BANK1: variants seen among roughly 807,000 people sequenced by gnomAD.
BANK1 encodes the protein B-cell scaffold protein with ankyrin repeats.
BANK1 carries 95 observed loss-of-function variants against 94.5 expected under a neutral mutation model. The observed-to-expected ratio is 1.00, with a 90% confidence interval of 0.85 to 1.19. The LOEUF (loss-of-function observed/expected upper bound fraction) is 1.19. Ranked by LOEUF, BANK1 falls within the 50% of genes most tolerant of loss-of-function variation. BANK1 has a pLI of 0.00. For synonymous variants in BANK1, 334 were observed against 308.4 expected (o/e 1.08, Z -0.87); for missense variants, 987 against 932.2 (o/e 1.06, Z -0.77).
intron 7 of BANK1, among the ~76,000 whole-genome samples, chr4:101,933,013 C>T (rs749905627): frequency 7.3e-5 from 11 of 151,408 alleles, no homozygotes; most frequent in Non-Finnish European, 1.2e-4. Flanking sequence ...ACCATATTAT[C>T]ACCCGGAAAA....
At chr4:101,998,031 C>T (rs1388391347) in intron 7 of BANK1, among the ~76,000 whole-genome samples, 1 of 152,142 alleles carries the variant, frequency 6.6e-6, no homozygotes, top group Admixed American at 6.6e-5. Context: ...TTAGATCTTT[C>T]CCACTTTCTC....
At chr4:101,939,625 T>C (rs1281947420) in intron 7 of BANK1, among the ~76,000 whole-genome samples, 2 of 151,626 alleles carry the variant, frequency 1.3e-5, no homozygotes, top group Non-Finnish European at 2.9e-5. Context: ...TCACTTTCTC[T>C]CACAAATCAT....
At chr4:101,852,294 A>G (rs1325595963) in intron 2 of BANK1, among the ~76,000 whole-genome samples, 1 of 151,494 alleles carries the variant, frequency 6.6e-6, no homozygotes. Context: ...CTCTACTTGA[A>G]TTAAATATAC....
chr4:101,897,989 A>C (rs1375146736), intron 6 of BANK1, among the ~76,000 whole-genome samples: 2 of 151,926 alleles, frequency 1.3e-5, no homozygotes, highest in Non-Finnish European at 2.9e-5. Flanking sequence ...ATTAAAAAAA[A>C]ACTTAAAGCT....
At chr4:101,991,443 T>G (rs919382102) in intron 7 of BANK1, among the ~76,000 whole-genome samples, 6 of 152,222 alleles carry the variant, frequency 3.9e-5, no homozygotes, top group Non-Finnish European at 8.8e-5. Context: ...TTGTTTTTGT[T>G]TTGTTTGTTT....
At chr4:102,021,126 A>C (rs2148946567) in intron 7 of BANK1, among the ~76,000 whole-genome samples, 1 of 148,588 alleles carries the variant, frequency 6.7e-6, no homozygotes, top group East Asian at 2.0e-4. Context: ...AGTAATTGTA[A>C]TTAAGAATAT....
At chr4:101,961,587 T>G (rs1298110877) in intron 7 of BANK1, among the ~76,000 whole-genome samples, 6 of 152,212 alleles carry the variant, frequency 3.9e-5, no homozygotes, top group Admixed American at 6.5e-5. Flanking sequence ...GTCACATTGG[T>G]TTTACTGTCA....
chr4:102,063,200 T>C (rs979742419), intron 13 of BANK1, 62 bp downstream of exon 13: 1 of 1,448,872 alleles, frequency 6.9e-7, no homozygotes, highest in Admixed American at 1.7e-5. Context: ...ATTCAAGGAC[T>C]GTGGAGATGA....
At chr4:102,005,880 G>A (rs1442985440) in intron 7 of BANK1, among the ~76,000 whole-genome samples, 2 of 151,932 alleles carry the variant, frequency 1.3e-5, no homozygotes, top group African/African-American at 4.8e-5. Context: ...CTTGGCTGCT[G>A]GCTCCAGAAT....
Position 101,930,020 on chromosome 4 carries a change from T to C in BANK1, c.1206+11831T>C, listed in dbSNP as rs530545967. 6.3e-4 allele frequency among the ~76,000 whole-genome samples: 96 copies of C among 151,446 alleles called. 1 individual carries two copies. The highest frequency in any genetic ancestry group is 3.9e-3 in the South Asian group (19 of 4,822). Reference sequence around the variant, plus strand: ...CTAATCAGGTATTAATATGTAATAATTAATATATTAATAAATTCAAATCTA... The same window carrying C: ...CTAATCAGGTATTAATATGTAATAACTAATATATTAATAAATTCAAATCTA... On this transcript the variant is annotated intron_variant, in intron 7 of 16. Transcript: ENST00000322953.
intron 9 of BANK1, among the ~76,000 whole-genome samples, chr4:102,028,442 T>A (rs1282205241): frequency 2.0e-5 from 3 of 152,228 alleles, no homozygotes; most frequent in African/African-American, 7.2e-5. Flanking sequence ...GTTGGGAGAT[T>A]ATCTTAATCT....
intron 2 of BANK1, among the ~76,000 whole-genome samples, chr4:101,845,245 TAAAAATTA>T (rs1369150641): frequency 6.6e-6 from 1 of 152,030 alleles, no homozygotes; most frequent in Non-Finnish European, 1.5e-5. Flanking sequence ...CAACAAAAGT[TAAAAATTA>T]AAAAATTAAA....
intron 6 of BANK1, among the ~76,000 whole-genome samples, chr4:101,908,150 A>T (rs1469168838): frequency 6.6e-6 from 1 of 152,214 alleles, no homozygotes; most frequent in African/African-American, 2.4e-5. Flanking sequence ...ACCTGACTTC[A>T]AACTGTCCTA....
At chr4:102,072,788 A>G (rs1728801642) in intron 15 of BANK1, among the ~76,000 whole-genome samples, 1 of 152,206 alleles carries the variant, frequency 6.6e-6, no homozygotes, top group Non-Finnish European at 1.5e-5. Context: ...CCAAAATATT[A>G]TTGATTTAAA....
chr4:101,891,711 T>C (rs1242936235), intron 5 of BANK1, among the ~76,000 whole-genome samples: 1 of 152,054 alleles, frequency 6.6e-6, no homozygotes, highest in East Asian at 1.9e-4. Context: ...TTGAGTAATT[T>C]TTATTGTTCT....
intron 1 of BANK1, among the ~76,000 whole-genome samples, chr4:101,825,524 A>AT (rs1372683770): frequency 6.6e-6 from 1 of 152,148 alleles, no homozygotes; most frequent in African/African-American, 2.4e-5. Flanking sequence ...GAAAGTCAGC[A>AT]TAAAGATCAA....
chr4:101,951,334 G>A (rs1192995788), intron 7 of BANK1, among the ~76,000 whole-genome samples: 1 of 151,682 alleles, frequency 6.6e-6, no homozygotes, highest in Admixed American at 6.6e-5. Context: ...AAAAACAGAG[G>A]AAATGTCTTT....
chr4:102,030,838 A>G (rs1348253092), intron 10 of BANK1, among the ~76,000 whole-genome samples: 2 of 152,076 alleles, frequency 1.3e-5, no homozygotes, highest in African/African-American at 2.4e-5. Flanking sequence ...CCAGTCTACT[A>G]TTGATGGACA....
At position 102,009,942 on chromosome 4, in the gene BANK1, G is replaced by A. The variant is rs377316898; in HGVS notation, c.1207-11572G>A. Reference sequence around the variant, plus strand: ...TACTCTCTGATATTGAGAAGATTCTGAGTAAATGTTTTTGAATAAGTAAGT... The same window carrying A: ...TACTCTCTGATATTGAGAAGATTCTAAGTAAATGTTTTTGAATAAGTAAGT... On this transcript the variant is annotated intron_variant, in intron 7 of 16. Coordinates refer to ENST00000322953, the MANE Select transcript of BANK1 (RefSeq NM_017935.5). Among the ~76,000 whole-genome samples, 8 of 152,104 alleles carry A rather than the reference G, an allele frequency of 5.3e-5. 1 individual carries two copies. In the East Asian group the frequency reaches 7.7e-4, roughly 15 times the overall value.
Sources: gnomAD v4.1 joint callset for allele counts (sites outside exome capture counted in the v4.1 genomes callset) on GRCh38, gnomAD v4.1.1 for gene constraint, MANE v1.5 for transcripts, NCBI Gene and HGNC (gene_info 2026-07-23, HGNC 2026-07-21) for gene names.